SQOR: variants seen among roughly 807,000 people sequenced by gnomAD.
SQOR encodes sulfide:quinone oxidoreductase, mitochondrial.
In SQOR, 39 loss-of-function variants were observed where a neutral mutation model predicts 48.6. That is an observed-to-expected ratio of 0.80 (90% CI 0.62 to 1.05). SQOR has a LOEUF of 1.05. Among genes scored for constraint, SQOR ranks in the 50% least tolerant of loss-of-function variants. The pLI, the probability that SQOR is intolerant of heterozygous loss-of-function variation, is 0.00. For synonymous variants in SQOR, 220 were observed against 206.2 expected, an observed-to-expected ratio of 1.07 and a Z score of -0.57; for missense variants, 561 against 559.9, an observed-to-expected ratio of 1.00 and a Z score of -0.02.
At chr15:45,688,913 A>G in intron 8 of SQOR, 126 bp from the exon 9 acceptor site, 1 of 776,312 alleles carries the variant, frequency 1.3e-6, no homozygotes, top group Admixed American at 2.7e-5. Flanking sequence ...TTCACAGTAC[A>G]AAAAGCTAGA....
chr15:45,689,289 CTCTTT>C (rs1890279795), intron 9 of SQOR, 72 bp downstream of exon 9: 2 of 1,477,288 alleles, frequency 1.4e-6, no homozygotes, highest in Non-Finnish European at 1.9e-6. Context: ...GGGATGCAGC[CTCTTT>C]TCTTCATTAT....
intron 4 of SQOR, 44 bp from the exon 5 acceptor site, chr15:45,673,563 A>G (rs757834770): frequency 1.1e-5 from 18 of 1,589,104 alleles, no homozygotes; most frequent in Non-Finnish European, 1.5e-5. Context: ...CTCTAAAGAC[A>G]TTTGCACTTT....
intron 7 of SQOR, among the ~76,000 whole-genome samples, chr15:45,685,172 A>G (rs1890200316): frequency 6.6e-6 from 1 of 152,212 alleles, no homozygotes; most frequent in Admixed American, 6.5e-5. Flanking sequence ...CACCAAGCTA[A>G]TATTTCACCT....
At chr15:45,689,417 CTTT>C (rs544575691) in intron 9 of SQOR, 200 bp downstream of exon 9, 2,029 of 253,624 alleles carry the variant, frequency 8.0e-3, no homozygotes, top group South Asian at 0.015. Context: ...TGCTACCTTA[CTTT>C]TTTTTTTTTT....
intron 1 of SQOR, among the ~76,000 whole-genome samples, chr15:45,649,784 C>T (rs1448381731): frequency 6.8e-6 from 1 of 147,072 alleles, no homozygotes; most frequent in East Asian, 2.1e-4. Context: ...TGCCTGGCCT[C>T]ATTTTTTAAG....
chr15:45,681,713 G>T (rs1490177809), intron 6 of SQOR, among the ~76,000 whole-genome samples: 1 of 151,806 alleles, frequency 6.6e-6, no homozygotes, highest in East Asian at 1.9e-4. Context: ...AGAATAATAA[G>T]AACCAACTAC....
chr15:45,652,628 C>T (rs921423672), intron 1 of SQOR, among the ~76,000 whole-genome samples: 50 of 128,276 alleles, frequency 3.9e-4, no homozygotes, highest in Non-Finnish European at 4.8e-4. Flanking sequence ...GTATTACAGG[C>T]GTGAGCCTCC....
At chr15:45,659,796 G>T (rs574254191) in intron 2 of SQOR, among the ~76,000 whole-genome samples, 2 of 152,160 alleles carry the variant, frequency 1.3e-5, no homozygotes, top group Admixed American at 1.3e-4. Flanking sequence ...TCCAAATAAG[G>T]TTACATTCCC....
At chr15:45,687,239 G>A (rs763177360) in intron 7 of SQOR, among the ~76,000 whole-genome samples, 3 of 152,136 alleles carry the variant, frequency 2.0e-5, no homozygotes, top group African/African-American at 4.8e-5. Flanking sequence ...AGCCTCCTGA[G>A]TAGCTGGGAT....
Position 45,689,037 on chromosome 15 carries a change from A to G in SQOR, c.1117-2A>G, listed in dbSNP as rs1165749534. 6.2e-7 allele frequency: 1 copy of G among 1,612,770 alleles called. No individual in the cohort carries two copies. Among genetic ancestry groups the G allele is most frequent in the Non-Finnish European group, 8.5e-7 (1 of 1,179,320 alleles). On this transcript the variant is annotated splice_acceptor_variant, in intron 8 of 9. Coordinates refer to ENST00000260324, the MANE Select transcript of SQOR (RefSeq NM_021199.4). LOFTEE classifies it high-confidence loss of function. ...CCAACTCAGTCTGATTTACAATTTT[A>G]GTATGATGGCTACACATCATGTCCA...
rs772794057 is a variant in SQOR at position 45,689,171 on chromosome 15, A to T, written c.1249A>T (p.Met417Leu). 8 of 1,613,174 alleles carry T rather than the reference A, an allele frequency of 5.0e-6. No individual in the cohort carries two copies. The highest frequency in any genetic ancestry group is 6.8e-6 in the Non-Finnish European group (8 of 1,179,412). Residue 417 changes from methionine (M) to leucine (L), a missense_variant, in exon 9 of 10, where the codon ATG becomes TTG. By Grantham distance (15) the Met-to-Leu change is conservative (BLOSUM62 2). Transcript: ENST00000260324. The part of the protein sequence containing the change: ...QSKERLSMYL[M>L]KADLMPFLYW... ...CAAAGAGCGCCTTTCCATGTATCTCATGAAAGCTGACCTGATGCCTTTCCT... is the reference window on the plus strand; with the variant it reads ...CAAAGAGCGCCTTTCCATGTATCTCTTGAAAGCTGACCTGATGCCTTTCCT...
chr15:45,668,414 G>C (rs1406867833), intron 3 of SQOR, among the ~76,000 whole-genome samples: 2 of 152,214 alleles, frequency 1.3e-5, no homozygotes, highest in African/African-American at 4.8e-5. Context: ...CTAGATTCTA[G>C]GAATGTAAGG....
chr15:45,689,216 AG>A lies in SQOR; in HGVS notation c.1295+1del. 6.2e-7 allele frequency: 1 copy of A among 1,613,906 alleles called. No individual in the cohort carries two copies. Among genetic ancestry groups the A allele is most frequent in the Non-Finnish European group, 8.5e-7 (1 of 1,179,882 alleles). On this transcript the variant is annotated frameshift_variant and splice_region_variant, in exon 9 of 10. Coordinates refer to ENST00000260324, the MANE Select transcript of SQOR (RefSeq NM_021199.4). LOFTEE classifies it high-confidence loss of function. ...MPFLYWNMML[R>X]GYWGGPAFLR... ...TTTCCTGTATTGGAATATGATGCTA[AG>A]GTAAGTGCACTGCCTGGTTCCTGGA... is the stretch of plus-strand genomic sequence containing the variant.
intron 3 of SQOR, among the ~76,000 whole-genome samples, chr15:45,667,134 T>TCTCCC (rs1365323558): frequency 2.7e-5 from 1 of 37,380 alleles, no homozygotes; most frequent in Non-Finnish European, 4.9e-5. Context: ...CCTTCCCTCC[T>TCTCCC]CTCCCCTCCC....
chr15:45,685,732 GT>G (rs1447861667), intron 7 of SQOR, among the ~76,000 whole-genome samples: 1 of 152,164 alleles, frequency 6.6e-6, no homozygotes, highest in Non-Finnish European at 1.5e-5. Context: ...AGTGTTCTCA[GT>G]CCAGATTCCA....
chr15:45,654,645 C>T (rs1007516074), intron 1 of SQOR, among the ~76,000 whole-genome samples: 3 of 151,974 alleles, frequency 2.0e-5, no homozygotes, highest in Non-Finnish European at 4.4e-5. Flanking sequence ...CATGGTTTAT[C>T]GTGTTGCGCC....
chr15:45,655,681 C>CTT (rs60764234), intron 1 of SQOR, among the ~76,000 whole-genome samples: 57,126 of 143,532 alleles, frequency 0.4, 11,602 homozygotes, highest in East Asian at 0.5. Flanking sequence ...GAAAGTATAT[C>CTT]TTTTTTTTTT....
intron 4 of SQOR, 78 bp downstream of exon 4, chr15:45,670,059 T>G: frequency 7.4e-7 from 1 of 1,358,996 alleles, no homozygotes; most frequent in Non-Finnish European, 1.0e-6. Context: ...TGCTTTATTA[T>G]ATTCATTTTG....
At chr15:45,648,660 G>A (rs944264757) in intron 1 of SQOR, among the ~76,000 whole-genome samples, 4 of 152,182 alleles carry the variant, frequency 2.6e-5, no homozygotes, top group Non-Finnish European at 4.4e-5. Flanking sequence ...CCCTCCACCT[G>A]GGCACCAGGT....
Sources: gnomAD v4.1 joint callset for allele counts (sites outside exome capture counted in the v4.1 genomes callset) on GRCh38, gnomAD v4.1.1 for gene constraint, MANE v1.5 for transcripts, NCBI Gene and HGNC (gene_info 2026-07-23, HGNC 2026-07-21) for gene names.